The following PCDHGA10 variants were observed in gnomAD, a reference collection of about 807,000 sequenced individuals.
The protein encoded by PCDHGA10 is protocadherin gamma subfamily A, 10.
In PCDHGA10, 42 loss-of-function variants were observed where a neutral mutation model predicts 59.5. The ratio of observed to expected loss-of-function variants is 0.71; its 90% CI spans 0.55 to 0.91. The LOEUF is 0.91. PCDHGA10 is among the 40% of genes least tolerant of loss of function. The probability of loss-of-function intolerance (pLI) is 0.00; values close to 1 mark genes in which losing one functional copy is unlikely to be tolerated. For missense variants in PCDHGA10, 1,111 were observed against 1,198.2 expected, an observed-to-expected ratio of 0.93 and a Z score of 1.07; for synonymous variants, 511 against 517.2, an observed-to-expected ratio of 0.99 and a Z score of 0.16.
In PCDHGA10 at chr5:141,510,272, T is replaced by TAAA. The variant is rs546154379; in HGVS notation, c.2585-658_2585-656dup. 1.5e-3 allele frequency among the ~76,000 whole-genome samples: 198 copies of TAAA among 130,372 alleles called. 1 individual carries two copies. Among genetic ancestry groups the TAAA allele is most frequent in the Non-Finnish European group, 2.8e-3 (172 of 61,058 alleles). The allele number at this position is 130,372 out of a possible 152,430, so 85.5% of individuals were successfully genotyped here. ...TGGGCGACAGAGCAGGACTCCATCTTAAAAAAAAAAAAAAAAAAATGCTGT... is the reference window on the plus strand; with the variant it reads ...TGGGCGACAGAGCAGGACTCCATCTTAAAAAAAAAAAAAAAAAAAAAATGCTGT... On this transcript the variant is annotated intron_variant, in intron 3 of 3. Coordinates refer to ENST00000398610, the MANE Select transcript of PCDHGA10 (RefSeq NM_018913.3).
chr5:141,490,257 T>C lies in PCDHGA10; in HGVS notation c.2437-4550T>C, dbSNP rs2099697852. On this transcript the variant is annotated intron_variant, in intron 1 of 3. Coordinates refer to ENST00000398610, the MANE Select transcript of PCDHGA10 (RefSeq NM_018913.3). The surrounding 1 kb of genome is among the most constrained non-coding windows in gnomAD (Gnocchi z 5.4). ...AGGGCCACTGTGTGATTCAAGTGGATGTGGGGGATGTCAATGACAATGCCC... is the reference window on the plus strand; with the variant it reads ...AGGGCCACTGTGTGATTCAAGTGGACGTGGGGGATGTCAATGACAATGCCC... The C allele has an allele frequency of 6.2e-7, 1 of 1,614,208 alleles. No individual in the cohort carries two copies. Among genetic ancestry groups the C allele is most frequent in the South Asian group, 1.1e-5 (1 of 91,078 alleles).
In PCDHGA10 at chr5:141,489,684, T is replaced by A; in HGVS notation, c.2437-5123T>A. 1 of 1,614,180 alleles carries A rather than the reference T, an allele frequency of 6.2e-7. No homozygotes were observed. Among genetic ancestry groups the A allele is most frequent in the South Asian group, 1.1e-5 (1 of 91,078 alleles). ...TGCGCATCTCAGAATCAGCAGCATC[T>A]GGGGCACGATTCCCACTGGACAGTG... On this transcript the variant is annotated intron_variant, in intron 1 of 3. Transcript: ENST00000398610. This position sits in a 1 kb window ranked among gnomAD's most constrained non-coding sequence, Gnocchi z 4.5.
At chr5:141,461,430 A>G (rs1239117668) in intron 1 of PCDHGA10, among the ~76,000 whole-genome samples, 2 of 151,992 alleles carry the variant, frequency 1.3e-5, no homozygotes, top group African/African-American at 4.8e-5. Context: ...GGCCATTTGT[A>G]TACCTTCTTT....
At chr5:141,463,682 G>A (rs62379195) in intron 1 of PCDHGA10, among the ~76,000 whole-genome samples, 7,165 of 151,926 alleles carry the variant, frequency 0.047, 241 homozygotes, top group Middle Eastern at 0.095. Context: ...GGATGACCTC[G>A]TGATCTGCTC....
rs374140638 is a variant in PCDHGA10 at position 141,487,759 on chromosome 5, C to T, written c.2437-7048C>T. ...TTGTAAGAGGTAACTATGTGGTAGA[C>T]GCTGTGCTTTGTAACTGTTTCGTGA... On this transcript the variant is annotated intron_variant, in intron 1 of 3. Transcript: ENST00000398610. The surrounding 1 kb of genome is among the most constrained non-coding windows in gnomAD (Gnocchi z 5.0). 45 of 1,546,278 alleles carry T rather than the reference C, an allele frequency of 2.9e-5. No individual in the cohort carries two copies. The highest frequency in any genetic ancestry group is 1.1e-4 in the African/African-American group (8 of 73,160).
At position 141,418,522 on chromosome 5, in the gene PCDHGA10, C is replaced by T. The variant is rs751177053; in HGVS notation, c.2436+2911C>T. The T allele has an allele frequency of 1.5e-5, 24 of 1,613,884 alleles. No individual in the cohort carries two copies. The African/African-American group carries it at 2.7e-4, about 18-fold the overall frequency. ...CCGCCTTAGATGGTGGGGACCCTCC[C>T]CGAAGCGGTACTGCTCAGATAAGAA... is the stretch of plus-strand genomic sequence containing the variant. On this transcript the variant is annotated intron_variant, in intron 1 of 3. Transcript: ENST00000398610.
At chr5:141,483,501 G>C (rs1022338958) in intron 1 of PCDHGA10, among the ~76,000 whole-genome samples, 2 of 150,394 alleles carry the variant, frequency 1.3e-5, no homozygotes, top group African/African-American at 4.9e-5. Context: ...ATGAGTCAAG[G>C]CTGATCCCCC....
Position 141,431,758 on chromosome 5 carries a change from C to T in PCDHGA10, c.2436+16147C>T. Reference sequence around the variant, plus strand: ...CAGGATATTCTGCGCGAGCCAAAGTCCTGATCACTGTTCTGGACGTGAACG... The same window carrying T: ...CAGGATATTCTGCGCGAGCCAAAGTTCTGATCACTGTTCTGGACGTGAACG... On this transcript the variant is annotated intron_variant, in intron 1 of 3. Transcript: ENST00000398610. This position sits in a 1 kb window ranked among gnomAD's most constrained non-coding sequence, Gnocchi z 4.8. 1.9e-6 allele frequency: 3 copies of T among 1,614,172 alleles called. No homozygotes were observed. The highest frequency in any genetic ancestry group is 1.7e-6 in the Non-Finnish European group (2 of 1,180,020).
In PCDHGA10 at chr5:141,490,081, T is replaced by A; in HGVS notation, c.2437-4726T>A. Reference sequence around the variant, plus strand: ...CACCAACGGCCAACTAGACTATTCTTTTGGAGACCACACATCTGAGGCAGT... The same window carrying A: ...CACCAACGGCCAACTAGACTATTCTATTGGAGACCACACATCTGAGGCAGT... On this transcript the variant is annotated intron_variant, in intron 1 of 3. Coordinates refer to ENST00000398610, the MANE Select transcript of PCDHGA10 (RefSeq NM_018913.3). The surrounding 1 kb of genome is among the most constrained non-coding windows in gnomAD (Gnocchi z 5.4). 3 of 1,614,216 alleles carry A rather than the reference T, an allele frequency of 1.9e-6. No homozygotes were observed. Among genetic ancestry groups the A allele is most frequent in the Non-Finnish European group, 2.5e-6 (3 of 1,180,040 alleles).
At chr5:141,472,411 C>T (rs747412647) in intron 1 of PCDHGA10, among the ~76,000 whole-genome samples, 9 of 151,918 alleles carry the variant, frequency 5.9e-5, no homozygotes, top group Admixed American at 3.3e-4. Flanking sequence ...CGTGGTGGCA[C>T]GCACCTGTAT....
At chr5:141,464,443 T>G (rs903733972) in intron 1 of PCDHGA10, among the ~76,000 whole-genome samples, 1 of 151,634 alleles carries the variant, frequency 6.6e-6, no homozygotes, top group African/African-American at 2.4e-5. Context: ...ATGTTTGTTG[T>G]TGTTGTTGTT....
At chr5:141,433,837 C>CAAAA (rs56191208) in intron 1 of PCDHGA10, among the ~76,000 whole-genome samples, 6 of 111,700 alleles carry the variant, frequency 5.4e-5, no homozygotes, top group African/African-American at 1.9e-4. Flanking sequence ...AACTCTATCT[C>CAAAA]AAAAAAAAAA....
Position 141,491,573 on chromosome 5 carries a change from T to G in PCDHGA10, c.2437-3234T>G. The G allele has an allele frequency of 6.2e-7, 1 of 1,613,912 alleles. No individual in the cohort carries two copies. The highest frequency in any genetic ancestry group is 8.5e-7 in the Non-Finnish European group (1 of 1,180,030). The stretch of plus-strand genomic sequence containing the variant: ...CAGAGCCACTGCTACAGGACGTGCT[T>G]TTCACCGGCCTCGGACGGCAGTGAC... On this transcript the variant is annotated intron_variant, in intron 1 of 3. Transcript: ENST00000398610. The surrounding 1 kb of genome is among the most constrained non-coding windows in gnomAD (Gnocchi z 6.9).
intron 1 of PCDHGA10, among the ~76,000 whole-genome samples, chr5:141,452,455 C>T (rs2098741536): frequency 6.6e-6 from 1 of 152,208 alleles, no homozygotes; most frequent in Non-Finnish European, 1.5e-5. Flanking sequence ...GCCTTGTCAG[C>T]AGACGGAGCT....
rs200349213 is a variant in PCDHGA10 at position 141,425,728 on chromosome 5, GGAT to G, written c.2436+10119_2436+10121del. Among the ~76,000 whole-genome samples the G allele has an allele frequency of 9.8e-4, 149 of 152,196 alleles. 2 individuals carry two copies. In the East Asian group the frequency reaches 0.027, roughly 28 times the overall value. ...AAAATTTTCCCATACCACTTGATGG[GGAT>G]GTTTTCCCACAAGGTTTTTGTTCTA... On this transcript the variant is annotated intron_variant, in intron 1 of 3. Transcript: ENST00000398610.
chr5:141,477,438 C>T lies in PCDHGA10; in HGVS notation c.2437-17369C>T, dbSNP rs1386997844. On this transcript the variant is annotated intron_variant, in intron 1 of 3. Transcript: ENST00000398610. This position sits in a 1 kb window ranked among gnomAD's most constrained non-coding sequence, Gnocchi z 4.9. ...GGAACCCCTTCCCTCTCAGCCCTTA[C>T]AATAGTGCGTGTTCAAGTGTCCGAC... 6.2e-7 allele frequency: 1 copy of T among 1,614,174 alleles called. No homozygotes were observed. The highest frequency in any genetic ancestry group is 8.5e-7 in the Non-Finnish European group (1 of 1,180,030).
Position 141,413,150 on chromosome 5 carries a change from T to C in PCDHGA10, c.-26T>C. On this transcript the variant is annotated 5_prime_UTR_variant, in exon 1 of 4. Coordinates refer to ENST00000398610, the MANE Select transcript of PCDHGA10 (RefSeq NM_018913.3). ...ACACACAACGTGTCCAGTGAGGACT[T>C]TGCAGAATTCTGTAACCAGACTACA... 6.4e-7 allele frequency: 1 copy of C among 1,573,292 alleles called. No homozygotes were observed.
At chr5:141,423,557 G>A (rs1365715281) in intron 1 of PCDHGA10, 4 of 1,613,536 alleles carry the variant, frequency 2.5e-6, no homozygotes, top group East Asian at 2.2e-5. Context: ...CCCAACTATG[G>A]GGACACGCTC....
intron 1 of PCDHGA10, chr5:141,417,686 G>A (rs1300052006): frequency 8.4e-6 from 9 of 1,068,196 alleles, no homozygotes; most frequent in South Asian, 1.8e-5. Context: ...CAACAGAAAA[G>A]AAAACCAGCT....
Sources: allele counts gnomAD v4.1 joint callset (sites outside exome capture counted in the v4.1 genomes callset), GRCh38; gene constraint gnomAD v4.1.1; non-coding constraint Gnocchi (gnomAD v3.1); transcripts MANE v1.5; gene names NCBI Gene and HGNC (gene_info 2026-07-23, HGNC 2026-07-21).